Variants in SND1 observed in about 807,000 individuals in gnomAD.
SND1 encodes the protein staphylococcal nuclease and tudor domain containing 1, also known as staphylococcal nuclease domain-containing protein 1.
A neutral mutation model predicts 121.7 loss-of-function variants in SND1; 38 were observed. The observed-to-expected ratio is 0.31, with a 90% CI of 0.24 to 0.41. The LOEUF (loss-of-function observed/expected upper bound fraction) is 0.41. SND1 is among the 10% of genes least tolerant of loss of function. The pLI is 1.00. For synonymous variants in SND1, 401 were observed against 447.4 expected (o/e 0.90, Z 1.31); for missense variants, 868 against 1,184.6 (o/e 0.73, Z 3.92).
intron 1 of SND1, among the ~76,000 whole-genome samples, chr7:127,682,313 C>T (rs1441837710): frequency 3.3e-5 from 5 of 152,122 alleles, no homozygotes; most frequent in Admixed American, 6.6e-5. Flanking sequence ...TGCCTTGTTT[C>T]AGCCTTTGTA....
At chr7:127,705,182 CT>C (rs1796166720) in intron 8 of SND1, among the ~76,000 whole-genome samples, 1 of 152,164 alleles carries the variant, frequency 6.6e-6, no homozygotes, top group Admixed American at 6.5e-5. Context: ...ACTTGATTTG[CT>C]TTTTTAATGT....
intron 11 of SND1, among the ~76,000 whole-genome samples, chr7:127,821,944 T>A (rs1798556736): frequency 6.6e-6 from 1 of 152,230 alleles, no homozygotes; most frequent in Admixed American, 6.5e-5. Context: ...TTATTTAACA[T>A]CCCTTTTATC....
intron 12 of SND1, among the ~76,000 whole-genome samples, chr7:127,854,649 A>G (rs1458188151): frequency 1.3e-5 from 2 of 151,742 alleles, no homozygotes; most frequent in Non-Finnish European, 2.9e-5. Context: ...AGCATTATTT[A>G]TTTATTTATT....
At chr7:128,006,541 C>CT (rs1397527640) in intron 16 of SND1, among the ~76,000 whole-genome samples, 1 of 152,230 alleles carries the variant, frequency 6.6e-6, no homozygotes, top group Non-Finnish European at 1.5e-5. Context: ...TCCCAGGACT[C>CT]TTAAGAGGGA....
At chr7:128,047,071 C>T (rs547422364) in intron 16 of SND1, among the ~76,000 whole-genome samples, 9 of 152,284 alleles carry the variant, frequency 5.9e-5, no homozygotes, top group African/African-American at 1.4e-4. Flanking sequence ...GTTTCCTTTG[C>T]AATCCTATAT....
chr7:127,898,732 C>A (rs1345355023), intron 13 of SND1, among the ~76,000 whole-genome samples: 1 of 152,150 alleles, frequency 6.6e-6, no homozygotes, highest in Non-Finnish European at 1.5e-5. Context: ...TACAATCCTG[C>A]TACTTGGTTC....
At chr7:127,706,927 T>C (rs929613455) in intron 8 of SND1, among the ~76,000 whole-genome samples, 1 of 152,246 alleles carries the variant, frequency 6.6e-6, no homozygotes, top group African/African-American at 2.4e-5. Flanking sequence ...CACTTATTTG[T>C]AAGTGGTTTA....
chr7:127,917,978 A>G (rs1252266537), intron 14 of SND1, among the ~76,000 whole-genome samples: 1 of 152,192 alleles, frequency 6.6e-6, no homozygotes, highest in Admixed American at 6.5e-5. Flanking sequence ...CTTACAAACT[A>G]AAGGGACAAT....
At chr7:128,028,021 G>C (rs906341845) in intron 16 of SND1, 3 of 152,668 alleles carry the variant, frequency 2.0e-5, no homozygotes, top group Admixed American at 2.0e-4. Flanking sequence ...AGACCCCCAA[G>C]ACTTGTGCAC....
At chr7:127,792,323 T>A (rs1206598544) in intron 10 of SND1, among the ~76,000 whole-genome samples, 1 of 152,182 alleles carries the variant, frequency 6.6e-6, no homozygotes. Context: ...TAGAGTGTTG[T>A]TTATCAAGAG....
intron 14 of SND1, among the ~76,000 whole-genome samples, chr7:127,919,090 A>G (rs1322961124): frequency 1.3e-5 from 2 of 152,232 alleles, no homozygotes; most frequent in African/African-American, 4.8e-5. Flanking sequence ...TAGACATAAA[A>G]ATAAAACTTT....
intron 16 of SND1, among the ~76,000 whole-genome samples, chr7:128,062,730 C>A (rs1793251566): frequency 6.6e-6 from 1 of 152,134 alleles, no homozygotes; most frequent in Admixed American, 6.5e-5. Context: ...CCCTTCCCAC[C>A]CTGACATGGG....
In SND1 at chr7:128,027,086, T is replaced by G. The variant is rs182496061; in HGVS notation, c.1779+36030T>G. 20 of 152,202 alleles carry G rather than the reference T, an allele frequency of 1.3e-4. No homozygotes were observed. The East Asian group carries it at 3.9e-3, about 30-fold the overall frequency. The allele number at this position is 152,202 out of a possible 1,614,324, so 9.4% of individuals were successfully genotyped here. On this transcript the variant is annotated intron_variant, in intron 16 of 23. Transcript: ENST00000354725. ...GGACATTGAATTAAAAATTCAACAA[T>G]ATTTATTAAAATACAAAAATACACT...
intron 15 of SND1, among the ~76,000 whole-genome samples, chr7:127,935,432 A>T (rs1016600431): frequency 6.6e-6 from 1 of 152,224 alleles, no homozygotes; most frequent in Non-Finnish European, 1.5e-5. Flanking sequence ...AAATGAGGTT[A>T]TAAAAAAAGA....
intron 14 of SND1, among the ~76,000 whole-genome samples, chr7:127,914,073 G>GA (rs1346477131): frequency 6.6e-6 from 1 of 152,124 alleles, no homozygotes; most frequent in Non-Finnish European, 1.5e-5. Context: ...TTCTCAGGAA[G>GA]AAATTATAGA....
intron 16 of SND1, among the ~76,000 whole-genome samples, chr7:128,054,761 C>T (rs1386113845): frequency 6.6e-6 from 1 of 152,210 alleles, no homozygotes; most frequent in Non-Finnish European, 1.5e-5. Flanking sequence ...TCGTGACCTA[C>T]AATCATTTCC....
intron 15 of SND1, among the ~76,000 whole-genome samples, chr7:127,981,612 C>T (rs1244434600): frequency 6.6e-6 from 1 of 152,126 alleles, no homozygotes; most frequent in African/African-American, 2.4e-5. Context: ...CCCATGCTGG[C>T]CTGATTGTTA....
At chr7:128,055,255 C>A (rs1793119788) in intron 16 of SND1, among the ~76,000 whole-genome samples, 1 of 152,196 alleles carries the variant, frequency 6.6e-6, no homozygotes, top group African/African-American at 2.4e-5. Context: ...TGTGCTCCTC[C>A]CCCTGGCAGC....
chr7:127,999,442 T>C (rs1802764718), intron 16 of SND1: 1 of 151,852 alleles, frequency 6.6e-6, no homozygotes, highest in African/African-American at 2.4e-5. Context: ...CAGTTTCATT[T>C]TTCCCCCCAA....
Sources: gnomAD v4.1 joint callset for allele counts (sites outside exome capture counted in the v4.1 genomes callset) on GRCh38, gnomAD v4.1.1 for gene constraint, MANE v1.5 for transcripts, NCBI Gene and HGNC (gene_info 2026-07-23, HGNC 2026-07-21) for gene names.